Variants in NALCN observed in about 807,000 individuals in gnomAD.
The protein encoded by NALCN is sodium leak channel, non-selective.
NALCN carries 111 observed loss-of-function variants against 225.3 expected under a neutral mutation model. The observed-to-expected ratio is 0.49, with a 90% CI of 0.42 to 0.58. NALCN has a LOEUF of 0.58. Ranked by LOEUF, NALCN falls within the 20% of genes least tolerant of loss-of-function variation. NALCN has a pLI of 0.00. For missense variants in NALCN, 1,378 were observed against 2,202.4 expected, an observed-to-expected ratio of 0.63 and a Z score of 7.49; for synonymous variants, 764 against 769.0, an observed-to-expected ratio of 0.99 and a Z score of 0.11.
intron 13 of NALCN, among the ~76,000 whole-genome samples, chr13:101,227,376 G>T (rs753999398): frequency 1.3e-5 from 2 of 152,002 alleles, no homozygotes; most frequent in Non-Finnish European, 2.9e-5. Context: ...GACCCTTCTT[G>T]CCAGACACAC....
At chr13:101,246,415 C>T (rs1478020308) in intron 11 of NALCN, among the ~76,000 whole-genome samples, 1 of 152,128 alleles carries the variant, frequency 6.6e-6, no homozygotes, top group Non-Finnish European at 1.5e-5. Context: ...TCAGTTCAGG[C>T]AATCCCATTC....
At chr13:101,056,110 G>A (rs1180364195) in intron 43 of NALCN, among the ~76,000 whole-genome samples, 1 of 152,168 alleles carries the variant, frequency 6.6e-6, no homozygotes. Context: ...TGACACCTGT[G>A]ACATTGTTGC....
intron 1 of NALCN, among the ~76,000 whole-genome samples, chr13:101,405,855 A>G (rs1314755390): frequency 6.6e-6 from 1 of 152,176 alleles, no homozygotes; most frequent in African/African-American, 2.4e-5. Flanking sequence ...ACACACACAT[A>G]TACCCCATGA....
intron 15 of NALCN, among the ~76,000 whole-genome samples, chr13:101,153,695 T>C (rs1394102628): frequency 3.3e-5 from 5 of 152,140 alleles, no homozygotes; most frequent in African/African-American, 4.8e-5. Context: ...CTGAATCCAA[T>C]GGTCAATTGG....
At chr13:101,171,590 C>CAT (rs946620545) in intron 15 of NALCN, among the ~76,000 whole-genome samples, 14 of 151,908 alleles carry the variant, frequency 9.2e-5, no homozygotes, top group African/African-American at 2.7e-4. Context: ...TCAGCTGTGT[C>CAT]ATATATATAA....
chr13:101,075,997 G>C (rs2033229773), intron 34 of NALCN, 56 bp from the exon 35 acceptor site: 1 of 1,487,194 alleles, frequency 6.7e-7, no homozygotes, highest in South Asian at 1.2e-5. Flanking sequence ...TCTTGTTACA[G>C]TTCCATTTTT....
intron 11 of NALCN, among the ~76,000 whole-genome samples, chr13:101,240,953 C>T (rs1415897727): frequency 1.3e-5 from 2 of 152,032 alleles, no homozygotes; most frequent in Non-Finnish European, 2.9e-5. Flanking sequence ...TGAAATTGGC[C>T]TATAGTTTTA....
intron 28 of NALCN, among the ~76,000 whole-genome samples, chr13:101,090,324 C>G (rs996053371): frequency 1.3e-5 from 2 of 152,116 alleles, no homozygotes; most frequent in African/African-American, 2.4e-5. Context: ...GAGGACTGGA[C>G]AGATGATTTT....
intron 9 of NALCN, among the ~76,000 whole-genome samples, chr13:101,285,615 C>T (rs1445011776): frequency 4.6e-5 from 7 of 152,258 alleles, no homozygotes; most frequent in East Asian, 1.9e-4. Flanking sequence ...CATAAAGCTC[C>T]TTTGACAAAG....
intron 17 of NALCN, among the ~76,000 whole-genome samples, chr13:101,136,603 C>G (rs1041763659): frequency 6.6e-6 from 1 of 152,138 alleles, no homozygotes; most frequent in African/African-American, 2.4e-5. Flanking sequence ...TGGTTTCCAG[C>G]TTCATCCACG....
At chr13:101,314,359 T>C (rs1311871215) in intron 7 of NALCN, among the ~76,000 whole-genome samples, 1 of 151,934 alleles carries the variant, frequency 6.6e-6, no homozygotes, top group Non-Finnish European at 1.5e-5. Context: ...AAACTGTCAT[T>C]AGGCATTAGC....
intron 42 of NALCN, 90 bp downstream of exon 42, chr13:101,059,728 A>G: frequency 6.1e-6 from 7 of 1,141,914 alleles, no homozygotes; most frequent in Non-Finnish European, 8.4e-6. Context: ...CCTTGTTTGA[A>G]TGATCTGACC....
In NALCN at chr13:101,058,190, G is replaced by A. The variant is rs577680285; in HGVS notation, c.4906-134C>T. 2.3e-5 allele frequency: 16 copies of A among 705,554 alleles called. No individual in the cohort carries two copies. In the East Asian group the frequency reaches 2.4e-4, roughly 11 times the overall value. 43.7% of individuals were successfully genotyped at this position (705,554 alleles called of 1,614,324 possible). ...ATGGACTCAGAGTGTCCACAATGGG[G>A]AAAAGTGAAAATGGGTATAAAGGGT... On this transcript the variant is annotated intron_variant, in intron 42 of 43. Coordinates refer to ENST00000251127, the MANE Select transcript of NALCN (RefSeq NM_052867.4).
At chr13:101,066,287 A>G (rs621342) in intron 39 of NALCN, among the ~76,000 whole-genome samples, 37,373 of 149,474 alleles carry the variant, frequency 0.25, 7,571 homozygotes, top group African/African-American at 0.56. Flanking sequence ...TCCAGCCTGG[A>G]GACAGAGTGG....
intron 6 of NALCN, among the ~76,000 whole-genome samples, chr13:101,354,529 G>C (rs574845522): frequency 6.6e-6 from 1 of 152,244 alleles, no homozygotes; most frequent in Admixed American, 6.5e-5. Flanking sequence ...ACTACAGGGT[G>C]AGAATCTATA....
chr13:101,095,514 T>TTAAA, intron 28 of NALCN, 60 bp downstream of exon 28: 1 of 1,369,214 alleles, frequency 7.3e-7, no homozygotes, highest in Non-Finnish European at 1.0e-6. Flanking sequence ...TGATACTTAT[T>TTAAA]TAAAGCCTTA....
chr13:101,183,450 T>A (rs1414689056), intron 14 of NALCN, among the ~76,000 whole-genome samples: 1 of 152,194 alleles, frequency 6.6e-6, no homozygotes, highest in Non-Finnish European at 1.5e-5. Context: ...TTATGTGATA[T>A]TTCTATTGAG....
intron 3 of NALCN, among the ~76,000 whole-genome samples, chr13:101,393,435 C>G (rs1216253912): frequency 6.6e-6 from 1 of 152,182 alleles, no homozygotes; most frequent in African/African-American, 2.4e-5. Flanking sequence ...TCAGCCAAAT[C>G]TCAAATGTAG....
intron 6 of NALCN, 107 bp downstream of exon 6, chr13:101,376,593 A>G (rs2139419590): frequency 9.3e-7 from 1 of 1,074,048 alleles, no homozygotes; most frequent in Non-Finnish European, 1.3e-6. Flanking sequence ...AACAAAGAGG[A>G]CATAAGCACT....
Sources: allele counts gnomAD v4.1 joint callset (sites outside exome capture counted in the v4.1 genomes callset), GRCh38; gene constraint gnomAD v4.1.1; transcripts MANE v1.5; gene names NCBI Gene and HGNC (gene_info 2026-07-23, HGNC 2026-07-21).